APOL5: variants seen among roughly 807,000 people sequenced by gnomAD.
APOL5 encodes apolipoprotein L, 5.
A neutral mutation model predicts 35.5 loss-of-function variants in APOL5; 29 were observed. The observed-to-expected ratio is 0.82, with a 90% CI of 0.61 to 1.11. The LOEUF is 1.11. Among genes scored for constraint, APOL5 ranks in the 50% most tolerant of loss-of-function variants. APOL5 has a pLI of 0.00. For missense variants in APOL5, 514 were observed against 530.4 expected (o/e 0.97, Z 0.30); for synonymous variants, 188 against 200.2 (o/e 0.94, Z 0.51).
intron 1 of APOL5, among the ~76,000 whole-genome samples, chr22:35,719,728 C>T (rs184353413): frequency 1.1e-5 from 1 of 93,968 alleles, no homozygotes; most frequent in Admixed American, 9.2e-5. Context: ...ACAGCAGCCC[C>T]ATCTAGGGTT....
At chr22:35,723,625 A>G (rs762370636) in intron 2 of APOL5, among the ~76,000 whole-genome samples, 3 of 151,434 alleles carry the variant, frequency 2.0e-5, no homozygotes, top group Non-Finnish European at 4.4e-5. Flanking sequence ...AAGCGGCCAG[A>G]GTAGATCTCA....
intron 3 of APOL5, among the ~76,000 whole-genome samples, chr22:35,728,469 C>T (rs1414272644): frequency 6.6e-6 from 1 of 152,168 alleles, no homozygotes; most frequent in African/African-American, 2.4e-5. Context: ...GTGATCCACC[C>T]GCCTCAGCCT....
upstream of APOL5, among the ~76,000 whole-genome samples, chr22:35,715,370 G>A (rs561389301): frequency 3.3e-5 from 5 of 152,286 alleles, no homozygotes; most frequent in South Asian, 2.1e-4. Context: ...TCAGCTGGGC[G>A]TAGTGGCTCA....
chr22:35,720,444 A>G (rs1258709018), intron 1 of APOL5, 124 bp from the exon 2 acceptor site: 4 of 592,386 alleles, frequency 6.8e-6, no homozygotes, highest in Non-Finnish European at 8.5e-6. Context: ...TTTTTGTTGT[A>G]TTCTTTTTTT....
chr22:35,719,106 A>G (rs1926868459), intron 1 of APOL5, among the ~76,000 whole-genome samples: 1 of 152,118 alleles, frequency 6.6e-6, no homozygotes, highest in Non-Finnish European at 1.5e-5. Flanking sequence ...AGGACACACC[A>G]TTATAAGTAT....
intron 2 of APOL5, among the ~76,000 whole-genome samples, chr22:35,725,392 A>C (rs755198645): frequency 7.2e-5 from 11 of 151,996 alleles, no homozygotes; most frequent in Non-Finnish European, 1.0e-4. Flanking sequence ...CAGCTTCCCG[A>C]GTAGCTTGGA....
chr22:35,726,712 T>C lies in APOL5; in HGVS notation c.644T>C (p.Phe215Ser). The C allele has an allele frequency of 6.2e-7, 1 of 1,614,252 alleles. No homozygotes were observed. Among genetic ancestry groups the C allele is most frequent in the Non-Finnish European group, 8.5e-7 (1 of 1,180,044 alleles). Residue 215 changes from phenylalanine (F) to serine (S), a missense_variant, in exon 3 of 5, where the codon TTC becomes TCC. Physicochemically the swap from Phe to Ser is radical, Grantham distance 155. Around this residue, in one of 3 missense-constraint regions of APOL5, gnomAD observed 254 missense variants for 254.7 expected, o/e 1.00. Coordinates refer to ENST00000249044, the MANE Select transcript of APOL5 (RefSeq NM_030642.1). ...CCTCTGACAACATCACATGAGGCTT[T>C]CGGAGGAATAAATTGGTCTGAAATC... Reference protein sequence around the residue: ...LGPLTTSHEAFGGINWSEIEA... With the variant: ...LGPLTTSHEASGGINWSEIEA...
chr22:35,721,476 G>A (rs547754449), intron 2 of APOL5, among the ~76,000 whole-genome samples: 2 of 152,126 alleles, frequency 1.3e-5, no homozygotes, highest in East Asian at 3.9e-4. Context: ...CCGGGAGGCG[G>A]AGGTTGCAGT....
chr22:35,723,355 C>A (rs1489874480), intron 2 of APOL5, among the ~76,000 whole-genome samples: 1 of 152,130 alleles, frequency 6.6e-6, no homozygotes, highest in Non-Finnish European at 1.5e-5. Flanking sequence ...CACATACAGT[C>A]CATAGTTCAG....
At chr22:35,712,588 A>G in the APOL5 span, among the ~76,000 whole-genome samples, 20 of 152,300 alleles carry the variant, frequency 1.3e-4, no homozygotes, top group African/African-American at 4.3e-4. Flanking sequence ...GCTTATTGGC[A>G]CATATTGGGA....
At chr22:35,716,799 CT>C (rs1045963099), upstream of APOL5, among the ~76,000 whole-genome samples, 7 of 151,934 alleles carry the variant, frequency 4.6e-5, no homozygotes, top group Admixed American at 1.3e-4. Context: ...AACCTCTTTT[CT>C]TTTACTTAAT....
chr22:35,711,599 T>TTTCCCTCCTTCC, the APOL5 span, among the ~76,000 whole-genome samples: 2 of 77,508 alleles, frequency 2.6e-5, no homozygotes, highest in African/African-American at 5.6e-5. Context: ...TCACCATGTT[T>TTTCCCTCCTTCC]TTCCTTCCTT....
upstream of APOL5, among the ~76,000 whole-genome samples, chr22:35,712,942 G>A (rs1926634578): frequency 6.6e-6 from 1 of 152,044 alleles, no homozygotes. Context: ...TAGTCCTATC[G>A]TCACTGCTTT....
At chr22:35,720,744 T>C in intron 2 of APOL5, 90 bp downstream of exon 2, 1 of 958,436 alleles carries the variant, frequency 1.0e-6, no homozygotes, top group East Asian at 2.6e-5. Context: ...CAATGAGTAT[T>C]TGGGTTTTGT....
chr22:35,717,235 A>AAAAAAAAAAAAAAAAAAATATAAATATAT, upstream of APOL5, among the ~76,000 whole-genome samples: 1 of 57,664 alleles, frequency 1.7e-5, no homozygotes. Flanking sequence ...AAAAAAAAAA[A>AAAAAAAAAAAAAAAAAAATATAAATATAT]ATATATATAT....
chr22:35,726,867 C>G lies in APOL5; in HGVS notation c.799C>G (p.His267Asp), dbSNP rs559019261. The part of the protein sequence containing the change: ...AMVKNFVAKR[H>D]IPFWTARGVQ... ...GGTCAAGAATTTTGTGGCCAAGAGA[C>G]ACATCCCTTTCTGGACGGCTAGAGG... The change falls in exon 3 of 5, where the codon CAC (histidine) becomes GAC (aspartate). Residue 267 changes from histidine to aspartate, a missense_variant. Around this residue, in one of 3 missense-constraint regions of APOL5, gnomAD observed 238 missense variants for 229.1 expected, o/e 1.04. Transcript: ENST00000249044. 1 of 1,614,228 alleles carries G rather than the reference C, an allele frequency of 6.2e-7. No individual in the cohort carries two copies. Among genetic ancestry groups the G allele is most frequent in the South Asian group, 1.1e-5 (1 of 91,090 alleles).
the APOL5 span, among the ~76,000 whole-genome samples, chr22:35,708,612 A>G: frequency 6.6e-6 from 1 of 152,118 alleles, no homozygotes; most frequent in Non-Finnish European, 1.5e-5. Flanking sequence ...CGCTTGGATT[A>G]AAAAGGGGGG....
chr22:35,712,071 A>C, the APOL5 span, among the ~76,000 whole-genome samples: 2 of 152,114 alleles, frequency 1.3e-5, no homozygotes, highest in African/African-American at 4.8e-5. Flanking sequence ...CAGTGGTGCT[A>C]TCATGGCTCA....
chr22:35,708,857 T>C, the APOL5 span, among the ~76,000 whole-genome samples: 8 of 152,110 alleles, frequency 5.3e-5, no homozygotes, highest in Admixed American at 3.9e-4. Flanking sequence ...TGGGGACCCA[T>C]ATAGGAACAA....
Sources: allele counts gnomAD v4.1 joint callset (sites outside exome capture counted in the v4.1 genomes callset), GRCh38; gene constraint gnomAD v4.1.1; regional missense constraint gnomAD v4.1.1; transcripts MANE v1.5; gene names NCBI Gene and HGNC (gene_info 2026-07-23, HGNC 2026-07-21).